Variants in PDE11A observed in about 807,000 individuals in gnomAD.
PDE11A encodes phosphodiesterase 11A.
A neutral mutation model predicts 100.5 loss-of-function variants in PDE11A; 100 were observed. The ratio of observed to expected loss-of-function variants is 1.00; its 90% confidence interval spans 0.85 to 1.18. The LOEUF (loss-of-function observed/expected upper bound fraction) is 1.18. Among genes scored for constraint, PDE11A ranks in the 50% most tolerant of loss-of-function variants. The pLI is 0.00. For missense variants in PDE11A, 1,141 were observed against 1,152.6 expected (o/e 0.99, Z 0.15); for synonymous variants, 381 against 420.8 (o/e 0.91, Z 1.16).
chr2:177,751,534 G>A (rs754692205), intron 10 of PDE11A, among the ~76,000 whole-genome samples: 2 of 152,186 alleles, frequency 1.3e-5, no homozygotes, highest in African/African-American at 2.4e-5. Flanking sequence ...CAGTTTCCCT[G>A]GGAAGTGGGA....
chr2:177,849,883 G>C (rs918209155), intron 5 of PDE11A, among the ~76,000 whole-genome samples: 2 of 151,916 alleles, frequency 1.3e-5, no homozygotes, highest in Non-Finnish European at 1.5e-5. Flanking sequence ...TGAAATAAAA[G>C]AGGATACAAA....
intron 18 of PDE11A, among the ~76,000 whole-genome samples, chr2:177,666,615 A>G (rs1379777646): frequency 6.6e-6 from 1 of 152,060 alleles, no homozygotes; most frequent in African/African-American, 2.4e-5. Context: ...GTGATATCTC[A>G]TTGTGGTTTC....
intron 9 of PDE11A, among the ~76,000 whole-genome samples, chr2:177,812,978 C>A (rs1313492746): frequency 1.3e-5 from 2 of 152,238 alleles, no homozygotes; most frequent in East Asian, 3.8e-4. Context: ...GGGAATCCCA[C>A]AAATTTGGAG....
At chr2:177,906,180 C>G (rs1194213689) in intron 2 of PDE11A, among the ~76,000 whole-genome samples, 1 of 57,960 alleles carries the variant, frequency 1.7e-5, no homozygotes, top group Non-Finnish European at 3.8e-5. Context: ...CACACACACA[C>G]GCACGCACGC....
chr2:177,756,605 T>C (rs907179368), intron 10 of PDE11A, among the ~76,000 whole-genome samples: 2 of 152,132 alleles, frequency 1.3e-5, no homozygotes, highest in African/African-American at 4.8e-5. Flanking sequence ...ACAGAACTCG[T>C]CTCCATCTCC....
intron 10 of PDE11A, among the ~76,000 whole-genome samples, chr2:177,759,173 G>GCACACACACA (rs10541503): frequency 1.9e-4 from 28 of 147,422 alleles, no homozygotes; most frequent in African/African-American, 6.8e-4. Flanking sequence ...TGGAGCACGT[G>GCACACACACA]CACACACACA....
intron 10 of PDE11A, among the ~76,000 whole-genome samples, chr2:177,752,666 G>A (rs1022313170): frequency 4.1e-4 from 63 of 152,192 alleles, no homozygotes; most frequent in African/African-American, 1.4e-3. Context: ...AGTCATCAAT[G>A]TATTGCTTTA....
chr2:177,670,112 CA>C (rs2080654316), intron 17 of PDE11A, among the ~76,000 whole-genome samples: 1 of 152,182 alleles, frequency 6.6e-6, no homozygotes, highest in African/African-American at 2.4e-5. Flanking sequence ...CCTACTGTTG[CA>C]ATCAATCAAG....
At chr2:178,104,422 G>A in exon 2 of PDE11A, 1 of 1,613,918 alleles carries the variant, frequency 6.2e-7, no homozygotes, top group Non-Finnish European at 8.5e-7. Context: ...GTGTGGCACT[G>A]AGCACATTTC....
At chr2:178,029,088 T>C (rs1313855001) in intron 1 of PDE11A, among the ~76,000 whole-genome samples, 1 of 152,200 alleles carries the variant, frequency 6.6e-6, no homozygotes, top group Non-Finnish European at 1.5e-5. Context: ...CATCATTGGA[T>C]ATTGTCTTCC....
intron 1 of PDE11A, among the ~76,000 whole-genome samples, chr2:178,061,089 G>A (rs2086963209): frequency 6.6e-6 from 1 of 151,776 alleles, no homozygotes; most frequent in South Asian, 2.1e-4. Flanking sequence ...GACTACAGGT[G>A]CGTGCCACCA....
rs142774628 is a variant in PDE11A, at chr2:177,756,913, T to C, written c.1788+12410A>G. Among the ~76,000 whole-genome samples, 871 of 152,238 alleles carry C rather than the reference T, an allele frequency of 5.7e-3. 10 individuals are homozygous for C. Among genetic ancestry groups the C allele is most frequent in the African/African-American group, 0.019 (807 of 41,532 alleles). On this transcript the variant is annotated intron_variant, in intron 10 of 19. Transcript: ENST00000286063. Reference sequence around the variant, plus strand: ...CAAGGTCTGTTGAAACCTGAACCCATCTATCGAGAAAGTAAACCAAGATTA... The same window carrying C: ...CAAGGTCTGTTGAAACCTGAACCCACCTATCGAGAAAGTAAACCAAGATTA...
intron 4 of PDE11A, among the ~76,000 whole-genome samples, chr2:177,879,654 T>C (rs2084297713): frequency 6.6e-6 from 1 of 152,082 alleles, no homozygotes; most frequent in Non-Finnish European, 1.5e-5. Flanking sequence ...GTCCAGAGAA[T>C]GAAAGAAAAT....
chr2:177,894,594 A>G (rs925444736), intron 4 of PDE11A, among the ~76,000 whole-genome samples: 6 of 152,172 alleles, frequency 3.9e-5, no homozygotes, highest in African/African-American at 1.4e-4. Context: ...TCCGTTTTGG[A>G]GTTCATACAC....
At chr2:178,060,093 T>C (rs1282581308) in intron 1 of PDE11A, among the ~76,000 whole-genome samples, 2 of 152,208 alleles carry the variant, frequency 1.3e-5, no homozygotes, top group Admixed American at 1.3e-4. Flanking sequence ...CCTCATCTGC[T>C]GATGGGCTGT....
chr2:177,961,355 C>T (rs538037876), intron 2 of PDE11A, among the ~76,000 whole-genome samples: 1 of 152,108 alleles, frequency 6.6e-6, no homozygotes, highest in African/African-American at 2.4e-5. Flanking sequence ...GCCCTGACAC[C>T]CCAGCCTGCT....
intron 2 of PDE11A, among the ~76,000 whole-genome samples, chr2:177,964,729 T>C (rs1461161108): frequency 6.6e-6 from 1 of 152,214 alleles, no homozygotes; most frequent in Non-Finnish European, 1.5e-5. Context: ...TCATGTTTTT[T>C]AAGGCTGCAT....
intron 16 of PDE11A, among the ~76,000 whole-genome samples, chr2:177,676,479 G>A (rs968049102): frequency 1.3e-5 from 2 of 152,210 alleles, no homozygotes; most frequent in Non-Finnish European, 2.9e-5. Context: ...CAGATCTAAT[G>A]CCTTGGAAAC....
At position 178,072,132 on chromosome 2, in the gene PDE11A, C is replaced by G. The variant is rs555390922; in HGVS notation, c.306G>C (p.Trp102Cys). 6.2e-7 allele frequency: 1 copy of G among 1,613,754 alleles called. No individual in the cohort carries two copies. Among genetic ancestry groups the G allele is most frequent in the Non-Finnish European group, 8.5e-7 (1 of 1,179,704 alleles). The change falls in exon 1 of 20, where the codon TGG becomes TGC. Residue 102 changes from tryptophan (W) to cysteine (C), a missense_variant. Coordinates refer to ENST00000286063, the MANE Select transcript of PDE11A (RefSeq NM_016953.4). Reference sequence around the variant, plus strand: ...TCCCATCGCCCCTGCTGCCACCGGCCCAGCTGGGACTCAAGGGAACCCCAC... The same window carrying G: ...TCCCATCGCCCCTGCTGCCACCGGCGCAGCTGGGACTCAAGGGAACCCCAC... ...DCGGVPLSPS[W>C]AGGSRGDGNL...
Sources: gnomAD v4.1 joint callset for allele counts (sites outside exome capture counted in the v4.1 genomes callset) on GRCh38, gnomAD v4.1.1 for gene constraint, MANE v1.5 for transcripts, NCBI Gene and HGNC (gene_info 2026-07-23, HGNC 2026-07-21) for gene names.